Variants in APBB2 observed in about 807,000 individuals in gnomAD.
The protein encoded by APBB2 is amyloid beta precursor protein binding family B member 2.
APBB2 carries 38 observed loss-of-function variants against 82.5 expected under a neutral mutation model. The ratio of observed to expected loss-of-function variants is 0.46; its 90% CI spans 0.36 to 0.60. The LOEUF (loss-of-function observed/expected upper bound fraction) is 0.60. APBB2 is among the 20% of genes least tolerant of loss of function. The pLI, the probability that APBB2 is intolerant of heterozygous loss-of-function variation, is 0.00. For synonymous variants in APBB2, 341 were observed against 368.2 expected (o/e 0.93, Z 0.85); for missense variants, 772 against 972.3 (o/e 0.79, Z 2.74).
intron 1 of APBB2, among the ~76,000 whole-genome samples, chr4:41,159,971 A>AGAAGAT: frequency 1.0e-5 from 1 of 98,752 alleles, no homozygotes; most frequent in African/African-American, 4.0e-5. Flanking sequence ...GAGAAGAAGA[A>AGAAGAT]GAAGAAGAAG....
chr4:40,904,055 G>C (rs1352145469), intron 10 of APBB2, among the ~76,000 whole-genome samples: 1 of 152,136 alleles, frequency 6.6e-6, no homozygotes, highest in African/African-American at 2.4e-5. Flanking sequence ...TCATCTCCTA[G>C]TTACTGTAGC....
At chr4:40,897,195 C>T (rs1470271970) in intron 10 of APBB2, among the ~76,000 whole-genome samples, 2 of 151,824 alleles carry the variant, frequency 1.3e-5, no homozygotes, top group Non-Finnish European at 2.9e-5. Context: ...GACCTCACCC[C>T]AGCACATTAA....
intron 3 of APBB2, among the ~76,000 whole-genome samples, chr4:41,089,292 T>C (rs1025916796): frequency 1.2e-4 from 19 of 152,214 alleles, no homozygotes; most frequent in African/African-American, 4.3e-4. Context: ...TTTGGAATAT[T>C]TGCATTATAT....
At chr4:41,072,186 T>C (rs1372522210) in intron 3 of APBB2, among the ~76,000 whole-genome samples, 1 of 152,068 alleles carries the variant, frequency 6.6e-6, no homozygotes, top group African/African-American at 2.4e-5. Context: ...AGGATCTGAG[T>C]TGGAGATAAA....
At chr4:40,879,937 C>T (rs750223976) in intron 12 of APBB2, 66 of 883,928 alleles carry the variant, frequency 7.5e-5, no homozygotes, top group Non-Finnish European at 8.9e-5. Context: ...GGTGATCTGC[C>T]CGCCTCAGCC....
intron 6 of APBB2, among the ~76,000 whole-genome samples, chr4:40,960,604 T>C (rs12641849): frequency 0.96 from 145,620 of 151,804 alleles, 70,055 homozygotes; most frequent in South Asian, 1. Flanking sequence ...CCCGCCACCA[T>C]GCCCGGCTAA....
chr4:40,912,805 G>T (rs1778901328), intron 10 of APBB2, among the ~76,000 whole-genome samples: 1 of 152,160 alleles, frequency 6.6e-6, no homozygotes. Context: ...GCCCATGGAA[G>T]TCGAGGCCAA....
intron 2 of APBB2, among the ~76,000 whole-genome samples, chr4:41,141,086 A>G (rs1758991533): frequency 1.3e-5 from 2 of 152,126 alleles, no homozygotes; most frequent in Admixed American, 6.5e-5. Flanking sequence ...CCCTCATACC[A>G]AACAGGTTGG....
intron 1 of APBB2, among the ~76,000 whole-genome samples, chr4:41,190,408 C>CA (rs1398078116): frequency 1.3e-5 from 2 of 152,106 alleles, no homozygotes; most frequent in Non-Finnish European, 2.9e-5. Flanking sequence ...CACCACCACA[C>CA]ACGGCTAATT....
In APBB2 at chr4:41,031,677, T is replaced by C. The variant is rs1716876589; in HGVS notation, c.19+1559A>G. Among the ~76,000 whole-genome samples the C allele has an allele frequency of 2.0e-5, 3 of 152,236 alleles. No homozygotes were observed. In the East Asian group the frequency reaches 5.8e-4, roughly 29 times the overall value. On this transcript the variant is annotated intron_variant, in intron 5 of 17. Transcript: ENST00000508593. ...TCACTTAGAGGAACACACATCATTT[T>C]ATACACTTGCCAGCTTTATTTTAAT...
intron 12 of APBB2, among the ~76,000 whole-genome samples, chr4:40,864,062 T>C (rs1335106270): frequency 2.0e-5 from 3 of 151,708 alleles, no homozygotes; most frequent in East Asian, 1.9e-4. Context: ...ATAGAGACCA[T>C]CCTAGCCAAC....
chr4:41,120,408 G>A (rs750817014), intron 2 of APBB2, among the ~76,000 whole-genome samples: 1 of 152,160 alleles, frequency 6.6e-6, no homozygotes, highest in Non-Finnish European at 1.5e-5. Flanking sequence ...CCACAACCAC[G>A]TGACTGATCC....
chr4:40,872,585 C>T (rs187154780), intron 12 of APBB2, among the ~76,000 whole-genome samples: 5 of 152,146 alleles, frequency 3.3e-5, no homozygotes, highest in African/African-American at 9.6e-5. Flanking sequence ...ATGCTAGGGA[C>T]TTAACACATG....
rs9994458 is a variant in APBB2 at position 40,931,357 on chromosome 4, C to A, written c.1254+3099G>T. On this transcript the variant is annotated intron_variant, in intron 10 of 17. Coordinates refer to ENST00000508593, the MANE Select transcript of APBB2 (RefSeq NM_004307.2). ...GCAGTGCCTCGATTATGGCTCACTG[C>A]GGCCTTTACCTCCCAGGCTCCTCCC... Among the ~76,000 whole-genome samples, 313 of 152,254 alleles carry A rather than the reference C, an allele frequency of 2.1e-3. 1 individual carries two copies. Among genetic ancestry groups the A allele is most frequent in the African/African-American group, 7.0e-3 (291 of 41,562 alleles).
chr4:40,953,296 CAA>C (rs35104971), intron 6 of APBB2, among the ~76,000 whole-genome samples: 7 of 95,272 alleles, frequency 7.3e-5, no homozygotes, highest in Admixed American at 1.2e-4. Context: ...AACTCCATCT[CAA>C]AAAAAAAAAA....
At chr4:40,916,521 G>A (rs1779873981) in intron 10 of APBB2, among the ~76,000 whole-genome samples, 1 of 152,210 alleles carries the variant, frequency 6.6e-6, no homozygotes, top group Non-Finnish European at 1.5e-5. Context: ...AATGCAAGAA[G>A]ATATGTTTCC....
At chr4:41,030,721 G>A (rs1343042332) in intron 5 of APBB2, among the ~76,000 whole-genome samples, 2 of 152,078 alleles carry the variant, frequency 1.3e-5, no homozygotes, top group Non-Finnish European at 2.9e-5. Context: ...AAGTAGGTGA[G>A]CTATAAAGAA....
chr4:40,843,294 G>A (rs906517722), intron 12 of APBB2, among the ~76,000 whole-genome samples: 2 of 152,214 alleles, frequency 1.3e-5, no homozygotes, highest in Admixed American at 1.3e-4. Flanking sequence ...GGCCCTGCAG[G>A]GATGGAGCTA....
chr4:41,115,936 A>G (rs1370706471), intron 2 of APBB2, among the ~76,000 whole-genome samples: 14 of 152,192 alleles, frequency 9.2e-5, no homozygotes, highest in African/African-American at 2.4e-5. Flanking sequence ...AACCAGAAAT[A>G]CCATTTGACC....
Sources: gnomAD v4.1 joint callset for allele counts (sites outside exome capture counted in the v4.1 genomes callset) on GRCh38, gnomAD v4.1.1 for gene constraint, MANE v1.5 for transcripts, NCBI Gene and HGNC (gene_info 2026-07-23, HGNC 2026-07-21) for gene names.